DYNC2I1: variants seen among roughly 807,000 people sequenced by gnomAD.
DYNC2I1 encodes the protein cytoplasmic dynein 2 intermediate chain 1.
DYNC2I1 carries 89 observed loss-of-function variants against 133.4 expected under a neutral mutation model. The ratio of observed to expected loss-of-function variants is 0.67; its 90% CI spans 0.56 to 0.80. The LOEUF (loss-of-function observed/expected upper bound fraction) is 0.80. DYNC2I1 is among the 30% of genes least tolerant of loss of function. The pLI is 0.00. For synonymous variants in DYNC2I1, 504 were observed against 484.3 expected (o/e 1.04, Z -0.54); for missense variants, 1,291 against 1,314.5 (o/e 0.98, Z 0.28).
the DYNC2I1 span, among the ~76,000 whole-genome samples, chr7:158,850,433 C>A: frequency 2.0e-5 from 3 of 152,246 alleles, no homozygotes; most frequent in African/African-American, 7.2e-5. Context: ...ACCCAGGGAG[C>A]TCCCGTCCCA....
the DYNC2I1 span, among the ~76,000 whole-genome samples, chr7:158,842,425 T>G: frequency 6.6e-6 from 1 of 152,216 alleles, no homozygotes; most frequent in Admixed American, 6.5e-5. Context: ...TAGTGTGACC[T>G]GGTTAGGAAG....
In DYNC2I1 at chr7:158,923,687, G is replaced by A. The variant is rs370735031; in HGVS notation, c.2211G>A (p.Thr737=). 29 of 1,613,834 alleles carry A rather than the reference G, an allele frequency of 1.8e-5. No individual in the cohort carries two copies. Among genetic ancestry groups the A allele is most frequent in the Middle Eastern group, 3.3e-4 (2 of 6,084 alleles). Residue 737 remains threonine (T), a synonymous_variant, in exon 17 of 25, where the codon ACG becomes ACA. Transcript: ENST00000407559. The part of the protein sequence containing the change: ...REDSRLHYSV[T]LSDGFWTFRT... ...ACTCAAGGCTGCATTACTCTGTGAC[G>A]CTGAGCGATGGCTTCTGGACGTTCC...
the DYNC2I1 span, among the ~76,000 whole-genome samples, chr7:158,848,748 C>A: frequency 1.3e-5 from 2 of 152,182 alleles, no homozygotes; most frequent in South Asian, 2.1e-4. Context: ...CACGGTGAAA[C>A]CCCATCTCTA....
chr7:158,911,029 C>G (rs1847410317), intron 11 of DYNC2I1, among the ~76,000 whole-genome samples: 1 of 152,156 alleles, frequency 6.6e-6, no homozygotes, highest in African/African-American at 2.4e-5. Context: ...GGGCGATTGG[C>G]TGTGTCAGGC....
chr7:158,915,610 CAT>C, intron 14 of DYNC2I1, among the ~76,000 whole-genome samples: 1 of 141,178 alleles, frequency 7.1e-6, no homozygotes, highest in African/African-American at 2.6e-5. Context: ...GATTGTGAAA[CAT>C]CGACACGCTG....
rs1843834365 is a variant in DYNC2I1 at position 158,879,995 on chromosome 7, CCTTCTGATG to C, written c.879+11_879+19del. ...CCAGGAAAAGGGAATCCCAGGTACC[CCTTCTGATG>C]CTTCGTTGCCTTAGCAGCCGCCCCG... On this transcript the variant is annotated splice_region_variant and intron_variant, in intron 5 of 24. Coordinates refer to ENST00000407559, the MANE Select transcript of DYNC2I1 (RefSeq NM_018051.5). The C allele has an allele frequency of 1.9e-6, 3 of 1,576,356 alleles. No homozygotes were observed. In the East Asian group the frequency reaches 6.7e-5, roughly 35 times the overall value.
At chr7:158,954,492 A>G (rs1175439502) in intron 4 of DYNC2I1, among the ~76,000 whole-genome samples, 1 of 152,178 alleles carries the variant, frequency 6.6e-6, no homozygotes, top group Non-Finnish European at 1.5e-5. Context: ...TCCTAAAAAT[A>G]TAAAAATTAG....
intron 17 of DYNC2I1, among the ~76,000 whole-genome samples, 174 bp downstream of exon 17, chr7:158,923,907 C>T (rs979663398): frequency 2.6e-5 from 4 of 152,204 alleles, no homozygotes; most frequent in African/African-American, 9.7e-5. Context: ...CAATTCCAAT[C>T]ATGATTATCC....
At chr7:158,863,023 C>G (rs1483796599) in intron 1 of DYNC2I1, among the ~76,000 whole-genome samples, 1 of 148,692 alleles carries the variant, frequency 6.7e-6, no homozygotes, top group Non-Finnish European at 1.5e-5. Context: ...AGCGTGGACC[C>G]AAAGAGTGAG....
intron 20 of DYNC2I1, among the ~76,000 whole-genome samples, chr7:158,927,772 G>A (rs987405085): frequency 4.6e-5 from 7 of 152,104 alleles, no homozygotes; most frequent in Non-Finnish European, 7.4e-5. Context: ...GGCTGGTCTT[G>A]AACTCCTGAC....
Position 158,887,045 on chromosome 7 carries a change from T to A in DYNC2I1, c.960T>A (p.Asn320Lys). The A allele has an allele frequency of 1.2e-6, 2 of 1,613,990 alleles. No individual in the cohort carries two copies. The highest frequency in any genetic ancestry group is 8.5e-7 in the Non-Finnish European group (1 of 1,179,868). The change falls in exon 7 of 25, where the codon AAT becomes AAA. Residue 320 changes from asparagine (N) to lysine (K), a missense_variant. Transcript: ENST00000407559. ...GGCATGCTGAGAATTTAGTAAGGAA[T>A]CATGGAAAAGATAAAGATTCAAGAC... ...SSQHAENLVRNHGKDKDSRRK... is the reference protein window; with the variant it reads ...SSQHAENLVRKHGKDKDSRRK...
At chr7:158,921,762 G>A (rs376378181) in intron 15 of DYNC2I1, among the ~76,000 whole-genome samples, 9 of 152,240 alleles carry the variant, frequency 5.9e-5, no homozygotes, top group South Asian at 2.1e-4. Flanking sequence ...GCCTGCCAGC[G>A]GTGCGGTCCA....
In DYNC2I1 at chr7:158,891,284, C is replaced by T. The variant is rs1275324368; in HGVS notation, c.1010C>T (p.Ser337Phe). ...CATTAGCATGGCCACGAGGAAGGCT[C>T]TTCTGTGTGGTGGAAGCTGGACCAG... ...SRRKHGHEEG[S>F]SVWWKLDQRP... Residue 337 changes from serine (S) to phenylalanine (F), a missense_variant, in exon 8 of 25, where the codon TCT becomes TTT. Transcript: ENST00000407559. 6.2e-7 allele frequency: 1 copy of T among 1,614,040 alleles called. No individual in the cohort carries two copies. Among genetic ancestry groups the T allele is most frequent in the African/African-American group, 1.3e-5 (1 of 75,074 alleles).
chr7:158,871,476 G>A lies in DYNC2I1; in HGVS notation c.404G>A (p.Arg135Gln), dbSNP rs771128736. 6.5e-6 allele frequency: 10 copies of A among 1,548,428 alleles called. No individual in the cohort carries two copies. The South Asian group carries it at 7.1e-5, about 11-fold the overall frequency. ...AGAAGGGCCCGGAAGGAAGAGCTCC[G>A]GCAGACCGTGGCCCACCACAACCTG... Reference protein sequence around the residue: ...KDRRARKEELRQTVAHHNLLG... With the variant: ...KDRRARKEELQQTVAHHNLLG... Residue 135 changes from arginine to glutamine, a missense_variant, in exon 3 of 25, where the codon CGG becomes CAG. Physicochemically the swap from Arg to Gln is conservative, Grantham distance 43. Coordinates refer to ENST00000407559, the MANE Select transcript of DYNC2I1 (RefSeq NM_018051.5).
intron 21 of DYNC2I1, among the ~76,000 whole-genome samples, chr7:158,932,068 C>G (rs1198596852): frequency 3.3e-5 from 5 of 152,190 alleles, no homozygotes; most frequent in Admixed American, 6.5e-5. Flanking sequence ...AATGGCCTCC[C>G]AGAATCACGT....
intron 23 of DYNC2I1, among the ~76,000 whole-genome samples, chr7:158,940,665 A>T (rs2129488565): frequency 6.6e-6 from 1 of 152,332 alleles, no homozygotes; most frequent in Middle Eastern, 3.4e-3. Flanking sequence ...AGAACTAGAG[A>T]TCAATAACAG....
intron 1 of DYNC2I1, among the ~76,000 whole-genome samples, chr7:158,868,463 A>G (rs1391866590): frequency 6.6e-6 from 1 of 152,244 alleles, no homozygotes; most frequent in East Asian, 1.9e-4. Flanking sequence ...AACGAGGAAC[A>G]AACACTTTCG....
chr7:158,845,971 C>T, the DYNC2I1 span, among the ~76,000 whole-genome samples: 1 of 152,090 alleles, frequency 6.6e-6, no homozygotes, highest in Non-Finnish European at 1.5e-5. Context: ...ACATATAAAA[C>T]CACGTAGGCT....
rs1177145087 is a variant in DYNC2I1 at position 158,926,457 on chromosome 7, T to C, written c.2427T>C (p.Asn809=). 3 of 1,613,028 alleles carry C rather than the reference T, an allele frequency of 1.9e-6. No individual in the cohort carries two copies. The highest frequency in any genetic ancestry group is 1.3e-5 in the African/African-American group (1 of 74,942). ...IASLDESGVL[N]VWVVVELPKA... is the part of the protein sequence containing the mutation. The stretch of plus-strand genomic sequence containing the variant: ...CCTTGGATGAGAGTGGGGTTCTCAA[T>C]GTATGGGTGAGTAGTGGCCCAGGCC... The change falls in exon 19 of 25, where the codon AAT becomes AAC. Residue 809 remains asparagine (N), a synonymous_variant. Coordinates refer to ENST00000407559, the MANE Select transcript of DYNC2I1 (RefSeq NM_018051.5).
Sources: allele counts gnomAD v4.1 joint callset (sites outside exome capture counted in the v4.1 genomes callset), GRCh38; gene constraint gnomAD v4.1.1; transcripts MANE v1.5; gene names NCBI Gene and HGNC (gene_info 2026-07-23, HGNC 2026-07-21).